Variants in NRG1 observed in about 807,000 individuals in gnomAD.
The protein encoded by NRG1 is neuregulin 1, also known as pro-neuregulin-1, membrane-bound isoform.
In NRG1, 18 loss-of-function variants were observed where a neutral mutation model predicts 63.8. The ratio of observed to expected loss-of-function variants is 0.28; its 90% CI spans 0.19 to 0.42. The LOEUF (loss-of-function observed/expected upper bound fraction) is 0.42, where lower values mean the gene tolerates loss of function less well. Among genes scored for constraint, NRG1 ranks in the 10% least tolerant of loss-of-function variants. NRG1 has a pLI of 1.00. For synonymous variants in NRG1, 302 were observed against 301.3 expected, an observed-to-expected ratio of 1.00 and a Z score of -0.02; for missense variants, 762 against 814.7, an observed-to-expected ratio of 0.94 and a Z score of 0.79.
chr8:31,873,047 A>G (rs1829621423), intron 1 of NRG1, among the ~76,000 whole-genome samples: 1 of 152,160 alleles, frequency 6.6e-6, no homozygotes, highest in Non-Finnish European at 1.5e-5. Flanking sequence ...GAGAAAACTC[A>G]TGTTTCACAT....
rs188270312 is a variant in NRG1 at position 31,989,906 on chromosome 8, C to T, written c.37+350475C>T. Among the ~76,000 whole-genome samples, 24 of 152,176 alleles carry T rather than the reference C, an allele frequency of 1.6e-4. No individual in the cohort carries two copies. In the East Asian group the frequency reaches 2.9e-3, roughly 18 times the overall value. On this transcript the variant is annotated intron_variant, in intron 1 of 10. Coordinates refer to the NRG1 transcript ENST00000519301. Reference sequence around the variant, plus strand: ...ACTTTGTGCTTATGTGAATTCTCCACGTCTCAAAGGCATTATGTCTAGCAA... The same window carrying T: ...ACTTTGTGCTTATGTGAATTCTCCATGTCTCAAAGGCATTATGTCTAGCAA...
chr8:31,784,500 G>C (rs546247075), intron 1 of NRG1, among the ~76,000 whole-genome samples: 1 of 152,146 alleles, frequency 6.6e-6, no homozygotes, highest in African/African-American at 2.4e-5. Flanking sequence ...AGAATTTGCC[G>C]AGTTTCAATG....
rs573977016 is a variant in NRG1, at chr8:31,815,172, A to T, written c.37+175741A>T. ...TATAATGTTGTGGAACTATCACCAG[A>T]ATCCATTGCCATAGCTCCTTTAATC... is the stretch of plus-strand genomic sequence containing the variant. On this transcript the variant is annotated intron_variant, in intron 1 of 10. Transcript: ENST00000519301. 6.6e-5 allele frequency among the ~76,000 whole-genome samples: 10 copies of T among 152,308 alleles called. 1 individual carries two copies. Among genetic ancestry groups the T allele is most frequent in the African/African-American group, 2.2e-4 (9 of 41,574 alleles).
intron 1 of NRG1, among the ~76,000 whole-genome samples, chr8:32,526,523 C>G (rs1384722599): frequency 1.3e-5 from 2 of 152,144 alleles, no homozygotes; most frequent in Non-Finnish European, 2.9e-5. Flanking sequence ...GGCGTAAATA[C>G]CAAGAGGCAG....
chr8:32,680,401 G>A (rs797018241), intron 5 of NRG1, among the ~76,000 whole-genome samples: 4 of 152,234 alleles, frequency 2.6e-5, no homozygotes, highest in African/African-American at 9.6e-5. Context: ...GAGTGGATCA[G>A]GCTACATAGA....
chr8:31,839,442 C>A (rs1825987437), intron 1 of NRG1, among the ~76,000 whole-genome samples: 1 of 151,868 alleles, frequency 6.6e-6, no homozygotes, highest in Non-Finnish European at 1.5e-5. Flanking sequence ...GGGAGTAGAC[C>A]ACTGTTCCAC....
intron 1 of NRG1, among the ~76,000 whole-genome samples, chr8:32,295,794 A>G (rs1044008564): frequency 2.0e-5 from 3 of 152,016 alleles, no homozygotes; most frequent in African/African-American, 7.2e-5. Context: ...CTAAAGATAC[A>G]AAAAATTAGC....
intron 1 of NRG1, among the ~76,000 whole-genome samples, chr8:32,567,267 A>C (rs1342717034): frequency 6.6e-6 from 1 of 152,228 alleles, no homozygotes; most frequent in African/African-American, 2.4e-5. Context: ...TGGACTTTAT[A>C]AACCAAAATG....
chr8:32,715,938 G>T (rs566042794), intron 5 of NRG1, among the ~76,000 whole-genome samples: 1 of 152,314 alleles, frequency 6.6e-6, no homozygotes, highest in South Asian at 2.1e-4. Context: ...CATCGTGCCT[G>T]GCCTAAACCA....
intron 5 of NRG1, among the ~76,000 whole-genome samples, chr8:32,704,521 C>T (rs546024223): frequency 1.3e-5 from 2 of 151,934 alleles, no homozygotes; most frequent in African/African-American, 2.4e-5. Context: ...ATGGAACAAC[C>T]GTAAGATAAA....
At chr8:32,314,799 A>C (rs1857199284) in intron 1 of NRG1, among the ~76,000 whole-genome samples, 1 of 152,036 alleles carries the variant, frequency 6.6e-6, no homozygotes, top group African/African-American at 2.4e-5. Context: ...TTCCATGTGC[A>C]TTTCCACCCC....
At chr8:32,517,031 A>G (rs1216257689) in intron 1 of NRG1, among the ~76,000 whole-genome samples, 1 of 152,216 alleles carries the variant, frequency 6.6e-6, no homozygotes, top group Non-Finnish European at 1.5e-5. Flanking sequence ...AAATTCTATA[A>G]GTAAAAATGA....
chr8:31,879,369 C>G (rs1830172218), intron 1 of NRG1, among the ~76,000 whole-genome samples: 1 of 152,060 alleles, frequency 6.6e-6, no homozygotes, highest in African/African-American at 2.4e-5. Flanking sequence ...CTACAAAGTC[C>G]TTACTAATTT....
chr8:32,465,322 C>T (rs542338451), intron 1 of NRG1, among the ~76,000 whole-genome samples: 28 of 152,264 alleles, frequency 1.8e-4, no homozygotes, highest in Middle Eastern at 6.8e-3. Context: ...CAGTCCTTGC[C>T]ATCACCATAT....
chr8:32,593,606 A>T (rs1306784914), intron 1 of NRG1, among the ~76,000 whole-genome samples: 4 of 151,932 alleles, frequency 2.6e-5, no homozygotes, highest in Non-Finnish European at 5.9e-5. Context: ...GTGAGCCATG[A>T]TCATGCCACT....
intron 5 of NRG1, among the ~76,000 whole-genome samples, chr8:32,704,632 A>G (rs1815862728): frequency 1.3e-5 from 2 of 152,234 alleles, no homozygotes; most frequent in Non-Finnish European, 2.9e-5. Flanking sequence ...GATTTGAGAA[A>G]AATACTTAAG....
chr8:32,070,349 A>G (rs1243075399), intron 1 of NRG1, among the ~76,000 whole-genome samples: 1 of 152,210 alleles, frequency 6.6e-6, no homozygotes, highest in Non-Finnish European at 1.5e-5. Flanking sequence ...AATGACCATT[A>G]TAACCTTGCT....
At chr8:32,122,697 A>C (rs1352601981) in intron 1 of NRG1, among the ~76,000 whole-genome samples, 1 of 151,824 alleles carries the variant, frequency 6.6e-6, no homozygotes, top group East Asian at 1.9e-4. Flanking sequence ...ATATGTATAC[A>C]TGTGCCATGC....
At chr8:32,401,843 G>A (rs753264328) in intron 1 of NRG1, among the ~76,000 whole-genome samples, 1 of 152,070 alleles carries the variant, frequency 6.6e-6, no homozygotes. Context: ...TGACACAAGG[G>A]TACCTGTATA....
Sources: allele counts gnomAD v4.1 joint callset (sites outside exome capture counted in the v4.1 genomes callset), GRCh38; gene constraint gnomAD v4.1.1; transcripts MANE v1.5; gene names NCBI Gene and HGNC (gene_info 2026-07-23, HGNC 2026-07-21).